Variants in DHRS3 observed in about 807,000 individuals in gnomAD.
The protein encoded by DHRS3 is dehydrogenase/reductase 3.
Under a neutral mutation model 27.2 loss-of-function variants are expected in DHRS3, and 14 were observed. The observed-to-expected ratio is 0.52, with a 90% CI of 0.34 to 0.81. The LOEUF is 0.81. Among genes scored for constraint, DHRS3 ranks in the 30% least tolerant of loss-of-function variants. DHRS3 has a pLI of 0.01. For missense variants in DHRS3, 322 were observed against 406.2 expected (o/e 0.79, Z 1.78); for synonymous variants, 165 against 175.9 (o/e 0.94, Z 0.49).
chr1:12,596,027 A>G (rs1377995440), intron 1 of DHRS3: 1 of 152,354 alleles, frequency 6.6e-6, no homozygotes, highest in African/African-American at 2.4e-5. Flanking sequence ...GCAAGGTGCC[A>G]GCAGCCTCCG....
intron 1 of DHRS3, among the ~76,000 whole-genome samples, chr1:12,582,929 C>G (rs1248002073): frequency 6.6e-6 from 1 of 150,962 alleles, no homozygotes; most frequent in Non-Finnish European, 1.5e-5. Flanking sequence ...CATCCACTTA[C>G]CCACCCCACT....
chr1:12,613,933 A>T (rs1328040753), intron 1 of DHRS3, among the ~76,000 whole-genome samples: 1 of 151,746 alleles, frequency 6.6e-6, no homozygotes, highest in East Asian at 1.9e-4. Flanking sequence ...CCAGGCCTGG[A>T]TAATTTTTTG....
intron 1 of DHRS3, among the ~76,000 whole-genome samples, chr1:12,582,657 C>T (rs907170330): frequency 6.6e-6 from 1 of 152,030 alleles, no homozygotes. Flanking sequence ...TCCTCCACTC[C>T]TCTGGACCAC....
intron 1 of DHRS3, among the ~76,000 whole-genome samples, chr1:12,581,065 C>A (rs1214429298): frequency 6.6e-6 from 1 of 152,072 alleles, no homozygotes; most frequent in African/African-American, 2.4e-5. Flanking sequence ...TGGGTTCAAG[C>A]AATCCTCCCA....
chr1:12,587,386 C>T (rs1326444456), intron 1 of DHRS3, among the ~76,000 whole-genome samples: 2 of 152,028 alleles, frequency 1.3e-5, no homozygotes, highest in South Asian at 2.1e-4. Flanking sequence ...TCAAGTGATT[C>T]TCCCACCTCA....
rs1211112469 is a variant in DHRS3, at chr1:12,617,369, G to T, written c.-21C>A. The T allele has an allele frequency of 6.3e-7, 1 of 1,591,964 alleles. No homozygotes were observed. The highest frequency in any genetic ancestry group is 1.7e-5 in the Admixed American group (1 of 58,968). On this transcript the variant is annotated 5_prime_UTR_variant, in exon 1 of 6. Coordinates refer to ENST00000616661, the MANE Select transcript of DHRS3 (RefSeq NM_004753.7). Reference sequence around the variant, plus strand: ...ACCATCCTCCGCGCCGCGGAGCCGGGCAGGGGGCGAAACTCCCCGGGCCGA... The same window carrying T: ...ACCATCCTCCGCGCCGCGGAGCCGGTCAGGGGGCGAAACTCCCCGGGCCGA...
chr1:12,611,278 T>C (rs1646907482), intron 1 of DHRS3, among the ~76,000 whole-genome samples: 1 of 152,188 alleles, frequency 6.6e-6, no homozygotes, highest in Non-Finnish European at 1.5e-5. Context: ...TCAGAGTCAG[T>C]ATTGCTAGAT....
intron 1 of DHRS3, among the ~76,000 whole-genome samples, chr1:12,606,532 C>T (rs758897570): frequency 1.2e-4 from 18 of 151,866 alleles, no homozygotes; most frequent in Non-Finnish European, 2.5e-4. Context: ...TCTTGTTGTC[C>T]AGGCTGGAGT....
intron 1 of DHRS3, chr1:12,616,786 C>A: frequency 8.6e-7 from 1 of 1,158,748 alleles, no homozygotes; most frequent in African/African-American, 1.7e-5. Flanking sequence ...AGTGCGCACA[C>A]CCTGCACTCA....
At chr1:12,572,075 AAT>A (rs1331200714) in intron 5 of DHRS3, among the ~76,000 whole-genome samples, 4 of 152,244 alleles carry the variant, frequency 2.6e-5, no homozygotes, top group African/African-American at 9.6e-5. Context: ...TTGTCATAAA[AAT>A]ATATTTATAT....
intron 4 of DHRS3, among the ~76,000 whole-genome samples, chr1:12,576,406 C>CA (rs769860317): frequency 2.0e-5 from 3 of 152,016 alleles, no homozygotes; most frequent in East Asian, 3.9e-4. Context: ...ACCAAAAATA[C>CA]AAAAAATTAG....
chr1:12,615,844 C>T (rs946125143), intron 1 of DHRS3, among the ~76,000 whole-genome samples: 3 of 152,204 alleles, frequency 2.0e-5, no homozygotes, highest in African/African-American at 7.2e-5. Context: ...GGGTTAAAAA[C>T]GCTTCCCAAC....
At chr1:12,606,476 A>G (rs1017424273) in intron 1 of DHRS3, among the ~76,000 whole-genome samples, 1 of 151,784 alleles carries the variant, frequency 6.6e-6, no homozygotes, top group African/African-American at 2.4e-5. Flanking sequence ...TGAAAATTTT[A>G]TTTTATTTTA....
chr1:12,600,919 AG>A (rs537700646), intron 1 of DHRS3, among the ~76,000 whole-genome samples: 74 of 147,016 alleles, frequency 5.0e-4, no homozygotes, highest in African/African-American at 1.6e-3. Context: ...ATCTCCTTGA[AG>A]GCAGAGATTT....
chr1:12,568,745 G>A (rs1358847391), intron 5 of DHRS3, among the ~76,000 whole-genome samples: 1 of 152,106 alleles, frequency 6.6e-6, no homozygotes, highest in Non-Finnish European at 1.5e-5. Context: ...GGGCAATATG[G>A]TGAAACCCTG....
At chr1:12,583,373 C>A (rs1646662503) in intron 1 of DHRS3, among the ~76,000 whole-genome samples, 1 of 140,414 alleles carries the variant, frequency 7.1e-6, no homozygotes, top group Non-Finnish European at 1.6e-5. Flanking sequence ...CCATTCCTCA[C>A]CCACCCCACC....
intron 1 of DHRS3, among the ~76,000 whole-genome samples, chr1:12,588,682 G>C (rs1284650489): frequency 2.0e-5 from 3 of 152,224 alleles, no homozygotes; most frequent in African/African-American, 7.2e-5. Flanking sequence ...AGGATACCGA[G>C]TGCCCCTTCT....
In DHRS3 at chr1:12,594,381, T is replaced by C. The variant is rs1013061878; in HGVS notation, c.196-13715A>G. Among the ~76,000 whole-genome samples, 3 of 152,206 alleles carry C rather than the reference T, an allele frequency of 2.0e-5. No individual in the cohort carries two copies. Among genetic ancestry groups the C allele is most frequent in the Admixed American group, 2.0e-4 (3 of 15,282 alleles). On this transcript the variant is annotated intron_variant, in intron 1 of 5. Transcript: ENST00000616661. The surrounding 1 kb of genome is among the most constrained non-coding windows in gnomAD (Gnocchi z 4.1). ...CATTTATCTCACTTGCGGAGTTTGC[T>C]TGTGTGTAAGTCCGGGGACAATGAG...
In DHRS3 at chr1:12,568,280, G is replaced by A; in HGVS notation, c.*60C>T. ...TGCCAATGGACAGGTGCTCGGGTGT[G>A]TGCCCAGGTGCTGTGGCCCCCAAAC... On this transcript the variant is annotated 3_prime_UTR_variant, in exon 6 of 6. Coordinates refer to ENST00000616661, the MANE Select transcript of DHRS3 (RefSeq NM_004753.7). 6 of 1,474,464 alleles carry A rather than the reference G, an allele frequency of 4.1e-6. No individual in the cohort carries two copies. Among genetic ancestry groups the A allele is most frequent in the Non-Finnish European group, 5.7e-6 (6 of 1,054,782 alleles). The allele number at this position is 1,474,464 out of a possible 1,614,324, so 91.3% of individuals were successfully genotyped here. A position where few individuals can be genotyped will look rare whatever the true frequency, so the allele number is the denominator to read the frequency against.
Sources: gnomAD v4.1 joint callset for allele counts (sites outside exome capture counted in the v4.1 genomes callset) on GRCh38, gnomAD v4.1.1 for gene constraint, Gnocchi (gnomAD v3.1) non-coding constraint, MANE v1.5 for transcripts, NCBI Gene and HGNC (gene_info 2026-07-23, HGNC 2026-07-21) for gene names.